The following MEGF11 variants were observed in gnomAD, a reference collection of about 807,000 sequenced individuals.
MEGF11 encodes multiple epidermal growth factor-like domains protein 11.
A neutral mutation model predicts 146.6 loss-of-function variants in MEGF11; 126 were observed. The observed-to-expected ratio is 0.86, with a 90% CI of 0.74 to 1.00. The LOEUF is 1.00. Among genes scored for constraint, MEGF11 ranks in the 50% least tolerant of loss-of-function variants. MEGF11 has a pLI of 0.00. For missense variants in MEGF11, 1,509 were observed against 1,521.2 expected (o/e 0.99, Z 0.13); for synonymous variants, 532 against 583.4 (o/e 0.91, Z 1.27).
intron 5 of MEGF11, among the ~76,000 whole-genome samples, chr15:66,017,486 C>T (rs2082928697): frequency 6.6e-6 from 1 of 152,246 alleles, no homozygotes; most frequent in African/African-American, 2.4e-5. Flanking sequence ...GGGGCCAGGT[C>T]TGTCTAGCCA....
chr15:66,188,379 AAAAG>A (rs1203849215), intron 1 of MEGF11, among the ~76,000 whole-genome samples: 1 of 152,140 alleles, frequency 6.6e-6, no homozygotes, highest in Non-Finnish European at 1.5e-5. Context: ...TTATAACATG[AAAAG>A]AAAGAAAGGA....
chr15:65,943,009 C>T (rs543793699), intron 10 of MEGF11, among the ~76,000 whole-genome samples: 6 of 75,626 alleles, frequency 7.9e-5, no homozygotes, highest in East Asian at 4.4e-4. Context: ...TTTTTTAACA[C>T]GGAGTTTTGC....
intron 1 of MEGF11, among the ~76,000 whole-genome samples, chr15:66,141,710 G>A (rs2089176221): frequency 1.3e-5 from 2 of 152,258 alleles, no homozygotes; most frequent in Admixed American, 6.5e-5. Context: ...AGGTGGCCCC[G>A]AAGGTCCCTT....
At chr15:66,023,772 C>A (rs1404022370) in intron 5 of MEGF11, among the ~76,000 whole-genome samples, 1 of 152,194 alleles carries the variant, frequency 6.6e-6, no homozygotes, top group Admixed American at 6.5e-5. Context: ...GTTGCTCAGA[C>A]CAAATGTCCT....
intron 2 of MEGF11, among the ~76,000 whole-genome samples, chr15:66,125,652 C>T (rs775719916): frequency 1.2e-4 from 19 of 152,288 alleles, no homozygotes; most frequent in Middle Eastern, 3.4e-3. Flanking sequence ...GAAAATAAAA[C>T]GAGATACACT....
In MEGF11 at chr15:65,922,458, A is replaced by AC. The variant is rs1433306752; in HGVS notation, c.1836dup (p.Phe613ValfsTer28). On this transcript the variant is annotated frameshift_variant, in exon 15 of 26. Coordinates refer to ENST00000395614, the MANE Select transcript of MEGF11 (RefSeq NM_001385028.1). LOFTEE classifies it high-confidence loss of function. ...GGCTGGGCGCAGCCGTGGCCATAGA[A>AC]CCCAGGGGGGCAGACTGAGGGTGAA... The AC allele has an allele frequency of 6.3e-7, 1 of 1,576,496 alleles. No individual in the cohort carries two copies. Among genetic ancestry groups the AC allele is most frequent in the African/African-American group, 1.4e-5 (1 of 74,060 alleles).
intron 5 of MEGF11, among the ~76,000 whole-genome samples, chr15:66,062,608 G>A (rs116772483): frequency 6.8e-4 from 103 of 152,296 alleles, no homozygotes; most frequent in African/African-American, 2.4e-3. Context: ...GTAACCTTGT[G>A]AGACACTGAG....
At chr15:66,033,685 C>T (rs998049447) in intron 5 of MEGF11, among the ~76,000 whole-genome samples, 2 of 152,212 alleles carry the variant, frequency 1.3e-5, no homozygotes, top group African/African-American at 2.4e-5. Flanking sequence ...CCAACCCCCA[C>T]ACCAGTGTGT....
chr15:66,112,405 T>C (rs749036703), intron 4 of MEGF11, among the ~76,000 whole-genome samples: 2 of 151,964 alleles, frequency 1.3e-5, no homozygotes. Flanking sequence ...AACCACAGCA[T>C]CTAATAAATG....
intron 5 of MEGF11, among the ~76,000 whole-genome samples, chr15:66,080,762 G>A (rs760484999): frequency 6.6e-6 from 1 of 152,178 alleles, no homozygotes; most frequent in Non-Finnish European, 1.5e-5. Flanking sequence ...TTGCTGCTAC[G>A]TACACAGCTC....
At chr15:65,901,497 A>G (rs1022527309) in intron 24 of MEGF11, among the ~76,000 whole-genome samples, 1 of 152,072 alleles carries the variant, frequency 6.6e-6, no homozygotes, top group Non-Finnish European at 1.5e-5. Flanking sequence ...TCCTAATGTT[A>G]GTAAGTAGTT....
At chr15:66,138,096 C>A (rs550539320) in intron 1 of MEGF11, among the ~76,000 whole-genome samples, 33 of 152,318 alleles carry the variant, frequency 2.2e-4, no homozygotes, top group African/African-American at 7.9e-4. Flanking sequence ...AAGCCACCTT[C>A]ATTTTGAAAA....
chr15:66,134,857 G>C (rs192032452), intron 1 of MEGF11, among the ~76,000 whole-genome samples: 4 of 152,384 alleles, frequency 2.6e-5, no homozygotes, highest in East Asian at 1.9e-4. Flanking sequence ...AGCAGAAAGA[G>C]TCCAACACCT....
chr15:65,922,679 C>A, intron 14 of MEGF11, 144 bp downstream of exon 14: 1 of 1,255,018 alleles, frequency 8.0e-7, no homozygotes. Flanking sequence ...GGGGACAGAA[C>A]TGCAGAGGGA....
chr15:66,216,876 G>A (rs2091599404), intron 1 of MEGF11, among the ~76,000 whole-genome samples: 2 of 152,202 alleles, frequency 1.3e-5, no homozygotes, highest in African/African-American at 4.8e-5. Context: ...TTGGCTCAAG[G>A]ATACACCCCA....
intron 1 of MEGF11, among the ~76,000 whole-genome samples, chr15:66,185,232 C>G (rs1237936200): frequency 6.6e-6 from 1 of 152,146 alleles, no homozygotes; most frequent in Non-Finnish European, 1.5e-5. Flanking sequence ...CTCCTCCCAC[C>G]CTGCACTGCC....
intron 5 of MEGF11, among the ~76,000 whole-genome samples, chr15:65,990,712 G>GAAGA (rs144962088): frequency 2.7e-5 from 4 of 147,942 alleles, no homozygotes; most frequent in African/African-American, 1.0e-4. Flanking sequence ...AGAAAGGAAG[G>GAAGA]AAGAAAGAAA....
chr15:66,154,977 AT>A (rs2089703357), intron 1 of MEGF11, among the ~76,000 whole-genome samples: 1 of 152,250 alleles, frequency 6.6e-6, no homozygotes, highest in Non-Finnish European at 1.5e-5. Flanking sequence ...AGCCAACAAG[AT>A]TCCCTTCAGG....
chr15:66,187,260 C>A (rs1245956873), intron 1 of MEGF11, among the ~76,000 whole-genome samples: 2 of 152,374 alleles, frequency 1.3e-5, no homozygotes, highest in African/African-American at 2.4e-5. Flanking sequence ...TGGCCAAGCA[C>A]TTCTCTGTCT....
Sources: gnomAD v4.1 joint callset for allele counts (sites outside exome capture counted in the v4.1 genomes callset) on GRCh38, gnomAD v4.1.1 for gene constraint, MANE v1.5 for transcripts, NCBI Gene and HGNC (gene_info 2026-07-23, HGNC 2026-07-21) for gene names.